TSNARE1: variants seen among roughly 807,000 people sequenced by gnomAD.
TSNARE1 encodes the protein t-SNARE domain containing 1.
TSNARE1 carries 49 observed loss-of-function variants against 62.0 expected under a neutral mutation model. The ratio of observed to expected loss-of-function variants is 0.79; its 90% confidence interval spans 0.63 to 1.00. The LOEUF (loss-of-function observed/expected upper bound fraction) is 1.00. Among genes scored for constraint, TSNARE1 ranks in the 50% least tolerant of loss-of-function variants. The pLI is 0.00. For missense variants in TSNARE1, 755 were observed against 700.1 expected (o/e 1.08, Z -0.88); for synonymous variants, 328 against 294.4 (o/e 1.11, Z -1.17).
At chr8:142,386,952 C>T (rs551774781) in intron 1 of TSNARE1, among the ~76,000 whole-genome samples, 8 of 152,156 alleles carry the variant, frequency 5.3e-5, no homozygotes, top group Admixed American at 2.0e-4. Context: ...ACAACTAAGG[C>T]GGTAAAAGTG....
At position 142,281,639 on chromosome 8, in the gene TSNARE1, G is replaced by A. The variant is rs934922473; in HGVS notation, c.1363+2774C>T. Among the ~76,000 whole-genome samples, 11 of 152,188 alleles carry A rather than the reference G, an allele frequency of 7.2e-5. No individual in the cohort carries two copies. In the East Asian group the frequency reaches 7.8e-4, roughly 11 times the overall value. Reference sequence around the variant, plus strand: ...TTAGGGTCAGGGTTAAGGGGACCCAGAGCTTTTAGACCTCATGGTGAGGAC... The same window carrying A: ...TTAGGGTCAGGGTTAAGGGGACCCAAAGCTTTTAGACCTCATGGTGAGGAC... On this transcript the variant is annotated intron_variant, in intron 11 of 13. Coordinates refer to ENST00000524325, the MANE Select transcript of TSNARE1 (RefSeq NM_145003.5).
chr8:142,311,530 C>T (rs1162429902), intron 9 of TSNARE1, among the ~76,000 whole-genome samples: 3 of 151,960 alleles, frequency 2.0e-5, no homozygotes, highest in Non-Finnish European at 2.9e-5. Context: ...CTCCCAACCT[C>T]AGGTGATCCA....
At chr8:142,402,255 C>G (rs1838347905) in intron 1 of TSNARE1, among the ~76,000 whole-genome samples, 1 of 152,142 alleles carries the variant, frequency 6.6e-6, no homozygotes, top group Admixed American at 6.5e-5. Context: ...TGAGCCGCAC[C>G]ACACCGCTCA....
At chr8:142,292,133 A>G (rs4976994) in intron 10 of TSNARE1, among the ~76,000 whole-genome samples, 79,059 of 151,862 alleles carry the variant, frequency 0.52, 21,689 homozygotes, top group African/African-American at 0.69. Flanking sequence ...GTGGAGCTCC[A>G]GCCGAGATCC....
At chr8:142,258,713 G>A (rs1182471253) in intron 12 of TSNARE1, among the ~76,000 whole-genome samples, 3 of 152,116 alleles carry the variant, frequency 2.0e-5, no homozygotes, top group African/African-American at 7.2e-5. Flanking sequence ...TAGAGACAGA[G>A]TTTTGCCATG....
chr8:142,227,456 C>T (rs902516585), intron 13 of TSNARE1, among the ~76,000 whole-genome samples: 1 of 147,408 alleles, frequency 6.8e-6, no homozygotes, highest in Non-Finnish European at 1.5e-5. Flanking sequence ...ACCTCCACTG[C>T]ACCCACAACC....
At chr8:142,388,341 G>T (rs1162913203) in intron 1 of TSNARE1, among the ~76,000 whole-genome samples, 1 of 151,894 alleles carries the variant, frequency 6.6e-6, no homozygotes, top group Non-Finnish European at 1.5e-5. Context: ...CCTAATAGGT[G>T]TCTACTAAAA....
chr8:142,390,888 C>T (rs1260675813), intron 1 of TSNARE1, among the ~76,000 whole-genome samples: 15 of 100,646 alleles, frequency 1.5e-4, no homozygotes, highest in African/African-American at 6.4e-4. Context: ...CTGCTGGGGA[C>T]TCTGTAACAG....
At chr8:142,234,994 C>G (rs1375935546) in intron 12 of TSNARE1, among the ~76,000 whole-genome samples, 1 of 152,106 alleles carries the variant, frequency 6.6e-6, no homozygotes, top group Admixed American at 6.5e-5. Flanking sequence ...GAGGAGTGCC[C>G]CCAGCAAAAG....
rs11994693 is a variant in TSNARE1, at chr8:142,340,848, G to A, written c.745+3118C>T. ...AGTCTGCTCGGACTTCACACCCCACGGATGACACCACGTGCCTAGACACCT... is the reference window on the plus strand; with the variant it reads ...AGTCTGCTCGGACTTCACACCCCACAGATGACACCACGTGCCTAGACACCT... On this transcript the variant is annotated intron_variant, in intron 4 of 13. Transcript: ENST00000524325. Among the ~76,000 whole-genome samples the A allele has an allele frequency of 6.9e-3, 1,048 of 152,322 alleles. 12 individuals carry two copies. The highest frequency in any genetic ancestry group is 0.024 in the African/African-American group (994 of 41,572).
intron 9 of TSNARE1, among the ~76,000 whole-genome samples, chr8:142,309,398 G>A (rs1827226952): frequency 6.6e-6 from 1 of 152,148 alleles, no homozygotes; most frequent in African/African-American, 2.4e-5. Context: ...TAGGGTTTTT[G>A]AAGATACCTT....
chr8:142,216,168 A>AC (rs777848683), intron 13 of TSNARE1, among the ~76,000 whole-genome samples: 126 of 151,266 alleles, frequency 8.3e-4, no homozygotes, highest in Non-Finnish European at 1.1e-3. Flanking sequence ...GGGTCTCTTC[A>AC]CCCCCAGGGC....
intron 1 of TSNARE1, among the ~76,000 whole-genome samples, chr8:142,356,586 C>T (rs1366648416): frequency 6.6e-6 from 1 of 152,208 alleles, no homozygotes; most frequent in Non-Finnish European, 1.5e-5. Context: ...GGAAACACAG[C>T]GTGGAGGAAA....
chr8:142,316,466 TA>T (rs1003780011), intron 7 of TSNARE1, among the ~76,000 whole-genome samples: 1 of 151,804 alleles, frequency 6.6e-6, no homozygotes, highest in African/African-American at 2.4e-5. Context: ...TTAGTGTAAC[TA>T]ACTTTTGAAC....
At chr8:142,288,722 C>T (rs1465884782) in intron 10 of TSNARE1, among the ~76,000 whole-genome samples, 1 of 152,260 alleles carries the variant, frequency 6.6e-6, no homozygotes, top group African/African-American at 2.4e-5. Flanking sequence ...TGCCGGGGCT[C>T]CCGCCCACTC....
chr8:142,386,019 C>A (rs1837092688), intron 1 of TSNARE1, among the ~76,000 whole-genome samples: 2 of 152,186 alleles, frequency 1.3e-5, no homozygotes, highest in South Asian at 4.1e-4. Context: ...TAGGGGCCAG[C>A]AAATCCTTCT....
At chr8:142,347,132 A>G (rs1833476782) in intron 2 of TSNARE1, among the ~76,000 whole-genome samples, 1 of 152,132 alleles carries the variant, frequency 6.6e-6, no homozygotes, top group Non-Finnish European at 1.5e-5. Flanking sequence ...GAAGAGGGAG[A>G]AGCCTGCAGA....
intron 10 of TSNARE1, among the ~76,000 whole-genome samples, chr8:142,288,397 T>C (rs1019846398): frequency 5.9e-5 from 9 of 152,220 alleles, no homozygotes; most frequent in Non-Finnish European, 8.8e-5. Context: ...GACCCTGTGG[T>C]GCCCCCAGGG....
At chr8:142,245,483 G>A (rs552215788) in intron 12 of TSNARE1, among the ~76,000 whole-genome samples, 28 of 152,306 alleles carry the variant, frequency 1.8e-4, no homozygotes, top group South Asian at 6.2e-4. Context: ...CTGCATCAGC[G>A]AAAATTATGA....
Sources: allele counts gnomAD v4.1 joint callset (sites outside exome capture counted in the v4.1 genomes callset), GRCh38; gene constraint gnomAD v4.1.1; transcripts MANE v1.5; gene names NCBI Gene and HGNC (gene_info 2026-07-23, HGNC 2026-07-21).